Variants in CSNK1G1 observed in about 807,000 individuals in gnomAD.
CSNK1G1 encodes the protein casein kinase 1 gamma 1, also known as casein kinase I isoform gamma-1.
A neutral mutation model predicts 59.6 loss-of-function variants in CSNK1G1; 22 were observed. The ratio of observed to expected loss-of-function variants is 0.37; its 90% confidence interval spans 0.26 to 0.53. The LOEUF is 0.53. Among genes scored for constraint, CSNK1G1 ranks in the 20% least tolerant of loss-of-function variants. The pLI is 0.89. For synonymous variants in CSNK1G1, 179 were observed against 177.1 expected, an observed-to-expected ratio of 1.01 and a Z score of -0.08; for missense variants, 384 against 519.5, an observed-to-expected ratio of 0.74 and a Z score of 2.54.
At chr15:64,325,458 CAT>C (rs978464947) in intron 1 of CSNK1G1, among the ~76,000 whole-genome samples, 16 of 152,304 alleles carry the variant, frequency 1.1e-4, no homozygotes, top group African/African-American at 3.8e-4. Flanking sequence ...GCCTTATTCT[CAT>C]ATTATAATGG....
chr15:64,254,012 C>T (rs893191516), intron 3 of CSNK1G1, among the ~76,000 whole-genome samples: 8 of 151,984 alleles, frequency 5.3e-5, no homozygotes, highest in South Asian at 2.1e-4. Flanking sequence ...TGTCAGCGTG[C>T]GCCTGTAGTC....
chr15:64,208,878 ATTTCTTT>A (rs1475216487), intron 6 of CSNK1G1, among the ~76,000 whole-genome samples: 1 of 148,184 alleles, frequency 6.7e-6, no homozygotes, highest in Non-Finnish European at 1.5e-5. Context: ...TTAGTCTCAG[ATTTCTTT>A]TTTCTTTTTT....
chr15:64,197,647 A>G (rs1190590458), intron 10 of CSNK1G1, among the ~76,000 whole-genome samples: 1 of 152,152 alleles, frequency 6.6e-6, no homozygotes, highest in Non-Finnish European at 1.5e-5. Context: ...CTCCCTCTAC[A>G]TCTCAAGGGA....
At position 64,166,152 on chromosome 15, in the gene CSNK1G1, C is replaced by A; in HGVS notation, c.*5779G>T. 1.9e-6 allele frequency: 1 copy of A among 516,512 alleles called. No individual in the cohort carries two copies. Among genetic ancestry groups the A allele is most frequent in the Non-Finnish European group, 3.4e-6 (1 of 291,796 alleles). 32.0% of individuals were successfully genotyped at this position (516,512 alleles called of 1,614,324 possible). A position where few individuals can be genotyped will look rare whatever the true frequency, so the allele number is the denominator to read the frequency against. On this transcript the variant is annotated 3_prime_UTR_variant, in exon 12 of 12. Coordinates refer to ENST00000303052, the MANE Select transcript of CSNK1G1 (RefSeq NM_022048.5). This position sits in a 1 kb window ranked among gnomAD's most constrained non-coding sequence, Gnocchi z 4.5. ...CACATCCACACATTAAAACTGATTT[C>A]CACTGCTGATTTATACATTATCTAG...
At chr15:64,235,618 A>G (rs2140297433) in intron 4 of CSNK1G1, among the ~76,000 whole-genome samples, 1 of 152,350 alleles carries the variant, frequency 6.6e-6, no homozygotes, top group East Asian at 1.9e-4. Flanking sequence ...TAAAAGTCTA[A>G]AAACCCACAA....
chr15:64,213,150 T>G (rs556336883), intron 6 of CSNK1G1, among the ~76,000 whole-genome samples: 1 of 152,304 alleles, frequency 6.6e-6, no homozygotes, highest in South Asian at 2.1e-4. Flanking sequence ...TTCAAACATG[T>G]TTTTTTCAAT....
In CSNK1G1 at chr15:64,296,310, G is replaced by A. The variant is rs548661694; in HGVS notation, c.181+4009C>T. On this transcript the variant is annotated intron_variant, in intron 2 of 11. Coordinates refer to ENST00000303052, the MANE Select transcript of CSNK1G1 (RefSeq NM_022048.5). ...TAATTTTTGTATTTTTTGTAGAGAC[G>A]AGGTTTTGCCACGTTGCTCATGTTG... Among the ~76,000 whole-genome samples, 12 of 152,106 alleles carry A rather than the reference G, an allele frequency of 7.9e-5. 1 individual carries two copies. The highest frequency in any genetic ancestry group is 1.7e-4 in the African/African-American group (7 of 41,508).
chr15:64,201,010 G>A (rs999555672), intron 10 of CSNK1G1, among the ~76,000 whole-genome samples: 10 of 152,046 alleles, frequency 6.6e-5, no homozygotes, highest in African/African-American at 2.2e-4. Context: ...AGTGGCTCAC[G>A]CCTGTAATCC....
At chr15:64,203,278 G>C (rs1459815195) in intron 9 of CSNK1G1, 89 bp from the exon 10 acceptor site, 2 of 836,712 alleles carry the variant, frequency 2.4e-6, no homozygotes, top group Non-Finnish European at 4.0e-6. Context: ...TTCTAATAGA[G>C]TAGTAGTAAT....
intron 2 of CSNK1G1, among the ~76,000 whole-genome samples, chr15:64,281,506 A>T (rs1894132096): frequency 6.6e-6 from 1 of 152,162 alleles, no homozygotes; most frequent in Non-Finnish European, 1.5e-5. Context: ...GGAAAGTAGG[A>T]GTTGTTTAAT....
chr15:64,204,736 C>T, intron 8 of CSNK1G1, 129 bp downstream of exon 8: 1 of 1,146,420 alleles, frequency 8.7e-7, no homozygotes, highest in African/African-American at 1.6e-5. Context: ...GTGATAAAAC[C>T]TACTTTGGTC....
chr15:64,165,914 G>T lies in CSNK1G1; in HGVS notation c.*6017C>A. 1 of 557,352 alleles carries T rather than the reference G, an allele frequency of 1.8e-6. No homozygotes were observed. Among genetic ancestry groups the T allele is most frequent in the Non-Finnish European group, 3.2e-6 (1 of 315,030 alleles). 34.5% of individuals were successfully genotyped at this position (557,352 alleles called of 1,614,324 possible). ...CCATTTTCCATTTTCTCCAAAGAAG[G>T]CTACTTCCTCTGCAGAGAAGATTTT... is the stretch of plus-strand genomic sequence containing the variant. On this transcript the variant is annotated 3_prime_UTR_variant, in exon 12 of 12. Coordinates refer to ENST00000303052, the MANE Select transcript of CSNK1G1 (RefSeq NM_022048.5).
chr15:64,243,025 C>T (rs1483250428), intron 4 of CSNK1G1, among the ~76,000 whole-genome samples: 1 of 152,008 alleles, frequency 6.6e-6, no homozygotes, highest in African/African-American at 2.4e-5. Flanking sequence ...TAAAATTCAA[C>T]ATCCCTTCAT....
intron 4 of CSNK1G1, among the ~76,000 whole-genome samples, chr15:64,237,258 T>C (rs1189729147): frequency 6.6e-6 from 1 of 152,186 alleles, no homozygotes; most frequent in Non-Finnish European, 1.5e-5. Context: ...ATTGCACAGG[T>C]ATCCTCAAAA....
intron 4 of CSNK1G1, among the ~76,000 whole-genome samples, chr15:64,240,210 G>T (rs1363170761): frequency 6.6e-6 from 1 of 152,038 alleles, no homozygotes; most frequent in African/African-American, 2.4e-5. Flanking sequence ...CCCCAACCTG[G>T]GTGACAGAGT....
At chr15:64,346,507 G>A (rs1373652421) in intron 1 of CSNK1G1, among the ~76,000 whole-genome samples, 1 of 151,216 alleles carries the variant, frequency 6.6e-6, no homozygotes, top group African/African-American at 2.4e-5. Context: ...GCCCAGACAG[G>A]AGTACAATGG....
At chr15:64,269,730 G>A (rs1487185433) in intron 2 of CSNK1G1, among the ~76,000 whole-genome samples, 1 of 151,786 alleles carries the variant, frequency 6.6e-6, no homozygotes. Context: ...CTGACCTCAG[G>A]TGATCCGCCC....
chr15:64,203,180 C>T lies in CSNK1G1; in HGVS notation c.1009G>A (p.Val337Ile), dbSNP rs752620688. 6.2e-7 allele frequency: 1 copy of T among 1,613,040 alleles called. No individual in the cohort carries two copies. The highest frequency in any genetic ancestry group is 1.7e-5 in the Admixed American group (1 of 59,998). The change falls in exon 10 of 12, where the codon GTA becomes ATA. Residue 337 changes from valine (V) to isoleucine (I), a missense_variant. Physicochemically the swap from Val to Ile is conservative, Grantham distance 29. This residue lies in a region of CSNK1G1 where 325 missense variants were observed against 440.9 expected (regional missense o/e 0.74). Transcript: ENST00000303052. ...CCAGAATCTACGTGAACTGACCCTA[C>T]TGGAGTAGGCTAGAAAAATGAAACA... ...DWVGRPIPTP[V>I]GSVHVDSGAS...
chr15:64,187,195 G>T (rs941707421), intron 10 of CSNK1G1, among the ~76,000 whole-genome samples: 1 of 150,136 alleles, frequency 6.7e-6, no homozygotes, highest in African/African-American at 2.5e-5. Flanking sequence ...ATCCATCATG[G>T]TTTTTTTTGG....
Sources: gnomAD v4.1 joint callset for allele counts (sites outside exome capture counted in the v4.1 genomes callset) on GRCh38, gnomAD v4.1.1 for gene constraint, gnomAD v4.1.1 regional missense constraint, Gnocchi (gnomAD v3.1) non-coding constraint, MANE v1.5 for transcripts, NCBI Gene and HGNC (gene_info 2026-07-23, HGNC 2026-07-21) for gene names.